FHIT: variants seen among roughly 807,000 people sequenced by gnomAD.
The protein encoded by FHIT is bis(5'-adenosyl)-triphosphatase.
A neutral mutation model predicts 17.9 loss-of-function variants in FHIT; 19 were observed. That is an observed-to-expected ratio of 1.06 (90% CI 0.74 to 1.56). The LOEUF (loss-of-function observed/expected upper bound fraction) is 1.56, where lower values mean the gene tolerates loss of function less well. Among genes scored for constraint, FHIT ranks in the 40% most tolerant of loss-of-function variants. The probability of loss-of-function intolerance (pLI) is 0.00; values close to 1 mark genes in which losing one functional copy is unlikely to be tolerated. For missense variants in FHIT, 248 were observed against 189.2 expected, an observed-to-expected ratio of 1.31 and a Z score of -1.82; for synonymous variants, 81 against 69.7, an observed-to-expected ratio of 1.16 and a Z score of -0.81.
chr3:60,949,699 G>C (rs1175776575), intron 3 of FHIT, among the ~76,000 whole-genome samples: 1 of 152,032 alleles, frequency 6.6e-6, no homozygotes, highest in African/African-American at 2.4e-5. Context: ...CCTCTTCCCG[G>C]TCTCTGGTTA....
intron 5 of FHIT, among the ~76,000 whole-genome samples, chr3:60,263,188 T>G (rs991279491): frequency 6.6e-6 from 1 of 151,916 alleles, no homozygotes; most frequent in African/African-American, 2.4e-5. Context: ...ATAAAAAGAC[T>G]GACAATATCA....
At chr3:60,859,868 A>T (rs1383624179) in intron 3 of FHIT, among the ~76,000 whole-genome samples, 1 of 147,368 alleles carries the variant, frequency 6.8e-6, no homozygotes, top group Non-Finnish European at 1.5e-5. Context: ...ACATGGTGAA[A>T]CCCTGTCTCT....
At chr3:61,006,885 T>C (rs1374114850) in intron 3 of FHIT, among the ~76,000 whole-genome samples, 2 of 152,170 alleles carry the variant, frequency 1.3e-5, no homozygotes, top group Non-Finnish European at 1.5e-5. Context: ...TATTAAGCTG[T>C]TGATACTTTC....
In FHIT at chr3:60,092,968, C is replaced by A. The variant is rs560017610; in HGVS notation, c.104-78816G>T. ...TCTCTGTCACAGAGAAGAAAAAATT[C>A]CAAATGGAAGAAAAATTCCACTTCA... is the stretch of plus-strand genomic sequence containing the variant. On this transcript the variant is annotated intron_variant, in intron 5 of 9. Transcript: ENST00000492590. Among the ~76,000 whole-genome samples the A allele has an allele frequency of 4.6e-5, 7 of 152,268 alleles. No homozygotes were observed. In the South Asian group the frequency reaches 1.4e-3, roughly 32 times the overall value.
At chr3:59,977,435 C>T (rs1053304241) in intron 7 of FHIT, among the ~76,000 whole-genome samples, 11 of 152,148 alleles carry the variant, frequency 7.2e-5, no homozygotes, top group African/African-American at 1.9e-4. Flanking sequence ...GCCTGCCAAA[C>T]CAGCACTGAT....
At chr3:60,354,310 C>T (rs1344142600) in intron 5 of FHIT, among the ~76,000 whole-genome samples, 2 of 152,082 alleles carry the variant, frequency 1.3e-5, no homozygotes, top group African/African-American at 4.8e-5. Context: ...TATTCCTATC[C>T]TTATTTTAAA....
intron 2 of FHIT, among the ~76,000 whole-genome samples, chr3:61,066,475 C>A (rs535166876): frequency 6.6e-6 from 1 of 152,158 alleles, no homozygotes; most frequent in South Asian, 2.1e-4. Flanking sequence ...ATTAGCCTTG[C>A]GTAGTGACAT....
intron 5 of FHIT, among the ~76,000 whole-genome samples, chr3:60,495,528 A>C (rs1363010285): frequency 2.0e-5 from 3 of 152,148 alleles, no homozygotes; most frequent in Admixed American, 1.3e-4. Flanking sequence ...TAAATTAAAA[A>C]TCCAAGCCAT....
chr3:60,489,519 C>T (rs2033976525), intron 5 of FHIT, among the ~76,000 whole-genome samples: 1 of 152,088 alleles, frequency 6.6e-6, no homozygotes, highest in African/African-American at 2.4e-5. Flanking sequence ...GCCTAAGGAG[C>T]CTATAGCATT....
At chr3:60,574,416 G>A (rs144882692) in intron 4 of FHIT, among the ~76,000 whole-genome samples, 1 of 150,938 alleles carries the variant, frequency 6.6e-6, no homozygotes, top group Non-Finnish European at 1.5e-5. Context: ...GCATAGCTCA[G>A]AGTAATGCCA....
At chr3:61,017,222 GGAGGTGCAGCAAGCTGA>G (rs1369644191) in intron 3 of FHIT, among the ~76,000 whole-genome samples, 1 of 152,196 alleles carries the variant, frequency 6.6e-6, no homozygotes, top group Non-Finnish European at 1.5e-5. Flanking sequence ...CCTAAGAAGT[GGAGGTGCAGCAAGCTGA>G]GATTGCGCCA....
At chr3:60,660,474 C>T (rs377422520) in intron 4 of FHIT, among the ~76,000 whole-genome samples, 50 of 152,106 alleles carry the variant, frequency 3.3e-4, no homozygotes, top group African/African-American at 1.1e-3. Context: ...CTGCCCAAGC[C>T]TTCTCTTGGA....
intron 5 of FHIT, among the ~76,000 whole-genome samples, chr3:60,094,293 G>A (rs1433532859): frequency 1.3e-5 from 2 of 152,002 alleles, no homozygotes; most frequent in African/African-American, 4.8e-5. Flanking sequence ...AAGTGTGAAG[G>A]CATCTAAACA....
chr3:60,560,844 C>CAGAG (rs1553651340), intron 4 of FHIT, among the ~76,000 whole-genome samples: 5,311 of 122,200 alleles, frequency 0.043, 177 homozygotes, highest in South Asian at 0.093. Flanking sequence ...CACACACACA[C>CAGAG]AGAGAGAGAG....
Position 59,864,528 on chromosome 3 carries a change from T to C in FHIT, c.348+57818A>G, listed in dbSNP as rs570278107. 2.6e-5 allele frequency among the ~76,000 whole-genome samples: 4 copies of C among 152,042 alleles called. No homozygotes were observed. In the East Asian group the frequency reaches 7.7e-4, roughly 29 times the overall value. ...AGATTAATATAGCATGTTAGAAATA[T>C]ACTTGTATTGTTTAAATATTGGCGC... On this transcript the variant is annotated intron_variant, in intron 8 of 9. Coordinates refer to ENST00000492590, the MANE Select transcript of FHIT (RefSeq NM_002012.4).
chr3:60,072,271 C>T (rs1702808613), intron 5 of FHIT, among the ~76,000 whole-genome samples: 1 of 152,122 alleles, frequency 6.6e-6, no homozygotes, highest in Non-Finnish European at 1.5e-5. Flanking sequence ...GAAGACAGCC[C>T]TTTATATTTA....
At chr3:60,720,713 T>C (rs1237777734) in intron 4 of FHIT, among the ~76,000 whole-genome samples, 1 of 152,148 alleles carries the variant, frequency 6.6e-6, no homozygotes, top group East Asian at 1.9e-4. Context: ...ACAGCCAAAG[T>C]GTGACTGCTT....
At chr3:60,072,892 C>T (rs73093924) in intron 5 of FHIT, among the ~76,000 whole-genome samples, 13,793 of 152,200 alleles carry the variant, frequency 0.091, 730 homozygotes, top group Non-Finnish European at 0.12. Flanking sequence ...GGGAGAGATT[C>T]AACCATCTCC....
chr3:59,903,636 G>T (rs1296640120), intron 8 of FHIT, among the ~76,000 whole-genome samples: 1 of 152,166 alleles, frequency 6.6e-6, no homozygotes, highest in African/African-American at 2.4e-5. Context: ...AGGTCTAGAA[G>T]AGGAGGATTA....
Sources: gnomAD v4.1 joint callset for allele counts (sites outside exome capture counted in the v4.1 genomes callset) on GRCh38, gnomAD v4.1.1 for gene constraint, MANE v1.5 for transcripts, NCBI Gene and HGNC (gene_info 2026-07-23, HGNC 2026-07-21) for gene names.